MAMSTR: variants seen among roughly 807,000 people sequenced by gnomAD.
The protein encoded by MAMSTR is MEF2-activating motif and SAP domain-containing transcriptional regulator.
A neutral mutation model predicts 42.7 loss-of-function variants in MAMSTR; 41 were observed. The ratio of observed to expected loss-of-function variants is 0.96; its 90% CI spans 0.75 to 1.25. MAMSTR has a LOEUF of 1.25. Among genes scored for constraint, MAMSTR ranks in the 50% most tolerant of loss-of-function variants. The pLI is 0.00. For missense variants in MAMSTR, 567 were observed against 557.6 expected (o/e 1.02, Z -0.17); for synonymous variants, 265 against 244.1 (o/e 1.09, Z -0.80).
At position 48,715,758 on chromosome 19, in the gene MAMSTR, G is replaced by A. The variant is rs1214969119; in HGVS notation, c.107C>T (p.Pro36Leu). The A allele has an allele frequency of 7.8e-6, 12 of 1,541,886 alleles. No individual in the cohort carries two copies. The highest frequency in any genetic ancestry group is 2.5e-5 in the East Asian group (1 of 40,378). ...HRRNQEQISD[P>L]DPWISASDPP... ...GTCTGAGGCTGAGATCCACGGGTCC[G>A]GATCCGAGACTGGAGAGACGGTGAA... Residue 36 changes from proline (P) to leucine (L), a missense_variant, in exon 4 of 10, where the codon CCG becomes CTG. Coordinates refer to ENST00000318083, the MANE Select transcript of MAMSTR (RefSeq NM_001130915.2).
intron 3 of MAMSTR, among the ~76,000 whole-genome samples, chr19:48,716,104 G>A (rs1360098124): frequency 1.3e-5 from 2 of 152,070 alleles, no homozygotes; most frequent in Admixed American, 6.6e-5. Flanking sequence ...GGCCGGCCGC[G>A]GTGGCTCACG....
downstream of MAMSTR, among the ~76,000 whole-genome samples, chr19:48,710,022 A>G (rs943136073): frequency 9.9e-5 from 15 of 151,438 alleles, no homozygotes; most frequent in Non-Finnish European, 2.1e-4. Flanking sequence ...GGCGCCCACC[A>G]CTGCGCCTGG....
rs1281738688 is a variant in MAMSTR, at chr19:48,716,692, G to T, written c.97+13C>A. 19 of 1,332,364 alleles carry T rather than the reference G, an allele frequency of 1.4e-5. No homozygotes were observed. Among genetic ancestry groups the T allele is most frequent in the Non-Finnish European group, 1.4e-5 (14 of 1,032,360 alleles). 82.5% of individuals were successfully genotyped at this position (1,332,364 alleles called of 1,614,324 possible). On this transcript the variant is annotated intron_variant, in intron 3 of 9. Coordinates refer to ENST00000318083, the MANE Select transcript of MAMSTR (RefSeq NM_001130915.2). ...GGGGTCACCATCCCCTCCCTTTTGG[G>T]GCCCATACTTACTCTGCTCCTGATT...
chr19:48,714,271 G>C, intron 7 of MAMSTR, 95 bp downstream of exon 7: 1 of 1,110,156 alleles, frequency 9.0e-7, no homozygotes. Context: ...GCTGGTCCTC[G>C]CCCCCACACT....
rs1197473326 is a variant in MAMSTR at position 48,715,944 on chromosome 19, C to T, written c.98-177G>A. On this transcript the variant is annotated intron_variant, in intron 3 of 9. Transcript: ENST00000318083. ...TGAGGGCGGAGGTGTGGGGGGGCTC[C>T]GGTTGCTACATTCTCAAGTAAAGCA... The T allele has an allele frequency of 2.1e-6, 3 of 1,399,658 alleles. No homozygotes were observed. The South Asian group carries it at 5.1e-5, about 24-fold the overall frequency. 86.7% of individuals were successfully genotyped at this position (1,399,658 alleles called of 1,614,324 possible).
intron 2 of MAMSTR, chr19:48,716,970 C>G (rs2033066784): frequency 8.6e-7 from 1 of 1,167,510 alleles, no homozygotes; most frequent in Admixed American, 4.7e-5. Context: ...GGGCTACGAG[C>G]CAGCCAGCGT....
downstream of MAMSTR, among the ~76,000 whole-genome samples, chr19:48,707,919 AAAAG>A (rs1397204557): frequency 2.8e-5 from 4 of 143,122 alleles, no homozygotes; most frequent in Non-Finnish European, 6.0e-5. Flanking sequence ...AAAGAAAGAA[AAAAG>A]AAAGAAAGAA....
At chr19:48,710,271 A>AT (rs148688671), downstream of MAMSTR, among the ~76,000 whole-genome samples, 63,043 of 144,518 alleles carry the variant, frequency 0.44, 14,375 homozygotes, top group Middle Eastern at 0.6. Context: ...CACCTGGCTA[A>AT]TTATTTTTTT....
chr19:48,715,166 G>A, intron 5 of MAMSTR, 96 bp downstream of exon 5: 1 of 1,201,140 alleles, frequency 8.3e-7, no homozygotes, highest in Non-Finnish European at 1.2e-6. Flanking sequence ...GAGGGTTGGG[G>A]GCCCCAATCC....
At chr19:48,708,995 A>G (rs980961929), downstream of MAMSTR, among the ~76,000 whole-genome samples, 1 of 152,078 alleles carries the variant, frequency 6.6e-6, no homozygotes. Context: ...TGATACAGTC[A>G]GAAAAGTCTC....
In MAMSTR at chr19:48,713,924, G is replaced by T; in HGVS notation, c.845C>A (p.Ser282Ter). ...AGTCAGAGCCGCTGAGCCCGGCCCT[G>T]AGGAAGGGGTCAGGGCTGGAGCTGC... The part of the protein sequence containing the change: ...PAAAPALTPS[S>*]GPGSAALTLE... The change falls in exon 8 of 10, where the codon TCA becomes TAA. Residue 282 changes from serine (S) to a stop codon, truncating the protein, a stop_gained. Transcript: ENST00000318083. LOFTEE classifies it high-confidence loss of function. The T allele has an allele frequency of 1.2e-6, 2 of 1,612,578 alleles. No individual in the cohort carries two copies. Among genetic ancestry groups the T allele is most frequent in the Non-Finnish European group, 1.7e-6 (2 of 1,178,978 alleles).
rs1279663092 is a variant in MAMSTR, at chr19:48,719,268, C to T, written c.-21-216G>A. On this transcript the variant is annotated intron_variant, in intron 1 of 9. Transcript: ENST00000318083. The surrounding 1 kb of genome is among the most constrained non-coding windows in gnomAD (Gnocchi z 4.4). ...CCGAGGAAGGAGGAAGCTGGGGACC[C>T]AGACACCTGGTCTGAAAGACAGGGC... Among the ~76,000 whole-genome samples, 1 of 152,098 alleles carries T rather than the reference C, an allele frequency of 6.6e-6. No homozygotes were observed. The highest frequency in any genetic ancestry group is 1.5e-5 in the Non-Finnish European group (1 of 68,016).
downstream of MAMSTR, among the ~76,000 whole-genome samples, chr19:48,708,231 C>CAAAAAAAAAAA (rs66744711): frequency 2.5e-5 from 3 of 118,846 alleles, no homozygotes; most frequent in African/African-American, 3.1e-5. Context: ...TGAACTCCAT[C>CAAAAAAAAAAA]AAAAAAAAAA....
At position 48,714,444 on chromosome 19, in the gene MAMSTR, C is replaced by A. The variant is rs2032899811; in HGVS notation, c.645G>T (p.Arg215=). ...GAGCACCCGCGGGACTGTCCTCGCG[C>A]CGCGGCTTCGGCCGCTCGCGGGGCG... ...GAPPRERPKP[R]REDSPAGAPW... is the part of the protein sequence containing the mutation. Residue 215 remains arginine (R), a synonymous_variant, in exon 7 of 10, where the codon CGG becomes CGT. Transcript: ENST00000318083. The A allele has an allele frequency of 7.3e-6, 10 of 1,364,614 alleles. No homozygotes were observed. The highest frequency in any genetic ancestry group is 9.3e-6 in the Non-Finnish European group (10 of 1,070,120). The allele number at this position is 1,364,614 out of a possible 1,614,324, so 84.5% of individuals were successfully genotyped here.
chr19:48,710,537 T>C (rs2032707062), downstream of MAMSTR, among the ~76,000 whole-genome samples: 1 of 149,054 alleles, frequency 6.7e-6, no homozygotes, highest in Non-Finnish European at 1.5e-5. Context: ...TCCTCCTGCC[T>C]CAGCCTCCAG....
intron 5 of MAMSTR, 116 bp from the exon 6 acceptor site, chr19:48,715,024 T>G: frequency 2.7e-6 from 2 of 749,746 alleles, no homozygotes. Flanking sequence ...GGTCCAGAAT[T>G]CTGGGTCTCC....
At chr19:48,715,879 C>T in intron 3 of MAMSTR, 112 bp from the exon 4 acceptor site, 1 of 1,462,474 alleles carries the variant, frequency 6.8e-7, no homozygotes, top group Non-Finnish European at 9.0e-7. Context: ...GGCCAGGGAG[C>T]AAGACTTGAT....
chr19:48,715,935 G>T (rs951306279), intron 3 of MAMSTR, 168 bp from the exon 4 acceptor site: 1 of 1,410,092 alleles, frequency 7.1e-7, no homozygotes, highest in African/African-American at 1.5e-5. Context: ...CGGAGGTGTG[G>T]GGGGGCTCCG....
rs774917272 is a variant in MAMSTR, at chr19:48,713,845, C to T, written c.909+15G>A. Reference sequence around the variant, plus strand: ...ACTGGAGAACCCTAGCCGGATTCAACCCACACCCTCTTACCTGCGCCCTCC... The same window carrying T: ...ACTGGAGAACCCTAGCCGGATTCAATCCACACCCTCTTACCTGCGCCCTCC... On this transcript the variant is annotated intron_variant, in intron 8 of 9. Transcript: ENST00000318083. 4.3e-6 allele frequency: 7 copies of T among 1,614,140 alleles called. 1 individual carries two copies. The highest frequency in any genetic ancestry group is 1.7e-5 in the Admixed American group (1 of 60,024).
Sources: gnomAD v4.1 joint callset for allele counts (sites outside exome capture counted in the v4.1 genomes callset) on GRCh38, gnomAD v4.1.1 for gene constraint, Gnocchi (gnomAD v3.1) non-coding constraint, MANE v1.5 for transcripts, NCBI Gene and HGNC (gene_info 2026-07-23, HGNC 2026-07-21) for gene names.